The following ASTN2 variants were observed in gnomAD, a reference collection of about 807,000 sequenced individuals.
ASTN2 encodes the protein astrotactin-2.
In ASTN2, 54 loss-of-function variants were observed where a neutral mutation model predicts 139.8. That is an observed-to-expected ratio of 0.39 (90% confidence interval 0.31 to 0.48). The LOEUF (loss-of-function observed/expected upper bound fraction) is 0.48. ASTN2 is among the 20% of genes least tolerant of loss of function. The pLI is 0.95. For missense variants in ASTN2, 1,565 were observed against 1,725.1 expected, an observed-to-expected ratio of 0.91 and a Z score of 1.64; for synonymous variants, 756 against 719.5, an observed-to-expected ratio of 1.05 and a Z score of -0.81.
chr9:116,763,527 A>G (rs555802008), intron 13 of ASTN2, among the ~76,000 whole-genome samples: 1 of 152,254 alleles, frequency 6.6e-6, no homozygotes, highest in South Asian at 2.1e-4. Flanking sequence ...GAGGCAAGAG[A>G]ATACCTATGG....
intron 3 of ASTN2, among the ~76,000 whole-genome samples, chr9:117,156,158 C>A (rs1440530276): frequency 6.6e-6 from 1 of 152,020 alleles, no homozygotes; most frequent in East Asian, 1.9e-4. Context: ...ATGTGTATTG[C>A]TATAGCTGCA....
At chr9:116,991,178 A>T (rs1836842562) in intron 7 of ASTN2, among the ~76,000 whole-genome samples, 1 of 152,174 alleles carries the variant, frequency 6.6e-6, no homozygotes, top group Non-Finnish European at 1.5e-5. Flanking sequence ...ACACATACAC[A>T]CAGAAACACA....
At chr9:117,149,804 T>C (rs549833132) in intron 3 of ASTN2, among the ~76,000 whole-genome samples, 1 of 152,280 alleles carries the variant, frequency 6.6e-6, no homozygotes, top group Admixed American at 6.5e-5. Flanking sequence ...AAGCACACAT[T>C]TTTAAAAAAT....
At chr9:117,235,125 T>A (rs1184773520) in intron 2 of ASTN2, among the ~76,000 whole-genome samples, 1 of 151,682 alleles carries the variant, frequency 6.6e-6, no homozygotes, top group Non-Finnish European at 1.5e-5. Context: ...TCTCAGCTAC[T>A]CAGAAGGCTG....
chr9:117,329,271 G>T (rs1268859138), intron 1 of ASTN2, among the ~76,000 whole-genome samples: 1 of 116,468 alleles, frequency 8.6e-6, no homozygotes. Context: ...GATTTTTTTT[G>T]AAAACACAGG....
At chr9:117,084,538 T>C (rs6478279) in intron 5 of ASTN2, among the ~76,000 whole-genome samples, 133,032 of 152,320 alleles carry the variant, frequency 0.87, 58,212 homozygotes, top group East Asian at 0.97. Flanking sequence ...AGCTACTCTG[T>C]TTAGTTTCAG....
intron 3 of ASTN2, among the ~76,000 whole-genome samples, chr9:117,209,799 G>A (rs761609099): frequency 6.6e-6 from 1 of 152,110 alleles, no homozygotes; most frequent in Non-Finnish European, 1.5e-5. Flanking sequence ...TTAGCCATAC[G>A]TTAGAGCACA....
chr9:116,502,604 G>C (rs750220729), intron 19 of ASTN2, among the ~76,000 whole-genome samples: 53 of 151,260 alleles, frequency 3.5e-4, no homozygotes, highest in Non-Finnish European at 6.8e-4. Context: ...GGTGAGGAGA[G>C]AGAGAGAGAA....
chr9:116,513,333 C>T (rs994202523), intron 19 of ASTN2, among the ~76,000 whole-genome samples: 9 of 152,222 alleles, frequency 5.9e-5, no homozygotes, highest in Admixed American at 1.3e-4. Context: ...TTGGCCCCCA[C>T]TCTCTTCTGG....
At chr9:117,250,370 T>TA (rs1833505014) in intron 2 of ASTN2, among the ~76,000 whole-genome samples, 2 of 152,246 alleles carry the variant, frequency 1.3e-5, no homozygotes, top group African/African-American at 4.8e-5. Flanking sequence ...TGATAACCTA[T>TA]AAAGTAGTTT....
At chr9:117,358,024 T>C (rs1829589911) in intron 1 of ASTN2, among the ~76,000 whole-genome samples, 1 of 152,174 alleles carries the variant, frequency 6.6e-6, no homozygotes, top group African/African-American at 2.4e-5. Flanking sequence ...AGTTGAAGTT[T>C]CTTTTAATAC....
At chr9:117,189,104 T>C (rs542566423) in intron 3 of ASTN2, among the ~76,000 whole-genome samples, 33 of 152,244 alleles carry the variant, frequency 2.2e-4, no homozygotes, top group Non-Finnish European at 4.6e-4. Flanking sequence ...TCCTGAACAA[T>C]GTCTTATAAA....
intron 11 of ASTN2, among the ~76,000 whole-genome samples, chr9:116,831,470 T>C (rs10983366): frequency 0.017 from 2,585 of 152,312 alleles, 27 homozygotes; most frequent in East Asian, 0.034. Context: ...ACCTACTCAG[T>C]GCTAAGCAAA....
intron 5 of ASTN2, among the ~76,000 whole-genome samples, chr9:117,041,901 G>A (rs1202201591): frequency 6.6e-6 from 1 of 152,092 alleles, no homozygotes; most frequent in Admixed American, 6.6e-5. Context: ...GATTTCATAT[G>A]CTCTTGGTAG....
chr9:116,841,263 G>A (rs1230505559), intron 11 of ASTN2, among the ~76,000 whole-genome samples: 4 of 152,176 alleles, frequency 2.6e-5, no homozygotes, highest in Non-Finnish European at 5.9e-5. Flanking sequence ...TGCAATCGCA[G>A]GCACTCGGCA....
At chr9:116,786,033 C>T (rs1025158608) in intron 13 of ASTN2, among the ~76,000 whole-genome samples, 1 of 152,150 alleles carries the variant, frequency 6.6e-6, no homozygotes, top group Non-Finnish European at 1.5e-5. Flanking sequence ...TTATTTGTAA[C>T]CTTTTTTCCT....
At chr9:117,003,040 T>C (rs1837236601) in intron 7 of ASTN2, among the ~76,000 whole-genome samples, 1 of 152,146 alleles carries the variant, frequency 6.6e-6, no homozygotes, top group African/African-American at 2.4e-5. Context: ...TTTCTTTTTC[T>C]GTGAAAGGGA....
chr9:117,060,585 C>CAGGAAGGAAGGAAGGAAGGA (rs1554774170), intron 5 of ASTN2, among the ~76,000 whole-genome samples: 1 of 132,330 alleles, frequency 7.6e-6, no homozygotes, highest in African/African-American at 2.9e-5. Flanking sequence ...GGAAAGAAGG[C>CAGGAAGGAAGGAAGGAAGGA]AGGAAGGAAG....
At chr9:117,163,004 G>A (rs1189051764) in intron 3 of ASTN2, among the ~76,000 whole-genome samples, 6 of 152,048 alleles carry the variant, frequency 3.9e-5, no homozygotes, top group Admixed American at 2.0e-4. Context: ...AATGTCTACC[G>A]GGATCACTGA....
Sources: gnomAD v4.1 joint callset for allele counts (sites outside exome capture counted in the v4.1 genomes callset) on GRCh38, gnomAD v4.1.1 for gene constraint, MANE v1.5 for transcripts, NCBI Gene and HGNC (gene_info 2026-07-23, HGNC 2026-07-21) for gene names.